Variants in GRID2 observed in about 807,000 individuals in gnomAD.
GRID2 encodes glutamate ionotropic receptor delta type subunit 2, also known as glutamate receptor ionotropic, delta-2.
Under a neutral mutation model 114.8 loss-of-function variants are expected in GRID2, and 33 were observed. That is an observed-to-expected ratio of 0.29 (90% CI 0.22 to 0.38). GRID2 has a LOEUF of 0.38. Among genes scored for constraint, GRID2 ranks in the 10% least tolerant of loss-of-function variants. The probability of loss-of-function intolerance (pLI) is 1.00; values close to 1 mark genes in which losing one functional copy is unlikely to be tolerated. For synonymous variants in GRID2, 505 were observed against 449.9 expected, an observed-to-expected ratio of 1.12 and a Z score of -1.55; for missense variants, 1,184 against 1,257.7, an observed-to-expected ratio of 0.94 and a Z score of 0.89.
chr4:93,503,373 G>A (rs748510292), intron 12 of GRID2, among the ~76,000 whole-genome samples: 36 of 151,936 alleles, frequency 2.4e-4, no homozygotes, highest in Non-Finnish European at 4.0e-4. Flanking sequence ...TGTGCACAAC[G>A]TGCAGGTTTG....
At chr4:93,481,604 A>G (rs1380076105) in intron 11 of GRID2, among the ~76,000 whole-genome samples, 3 of 152,078 alleles carry the variant, frequency 2.0e-5, no homozygotes, top group Admixed American at 6.6e-5. Context: ...AATCACTATT[A>G]TTGCCATGGC....
intron 13 of GRID2, among the ~76,000 whole-genome samples, chr4:93,591,634 C>T (rs1340299028): frequency 4.6e-5 from 7 of 151,774 alleles, no homozygotes; most frequent in Admixed American, 4.6e-4. Flanking sequence ...AGGAATGGTA[C>T]CAGTTCCTCC....
chr4:93,266,506 T>C (rs891100034), intron 8 of GRID2, among the ~76,000 whole-genome samples: 1 of 151,926 alleles, frequency 6.6e-6, no homozygotes, highest in African/African-American at 2.4e-5. Context: ...AAAGGTTGAG[T>C]GTATGACCCA....
chr4:92,959,001 A>T (rs1752611472), intron 2 of GRID2, among the ~76,000 whole-genome samples: 1 of 145,856 alleles, frequency 6.9e-6, no homozygotes, highest in South Asian at 2.1e-4. Flanking sequence ...TGTCCATTAG[A>T]TCTGTAGTGA....
intron 4 of GRID2, among the ~76,000 whole-genome samples, chr4:93,148,390 T>G (rs763389398): frequency 2.0e-5 from 3 of 151,964 alleles, no homozygotes; most frequent in African/African-American, 7.2e-5. Flanking sequence ...AGCCCATACA[T>G]AGAAGACAAA....
intron 12 of GRID2, among the ~76,000 whole-genome samples, chr4:93,512,528 T>C (rs562823180): frequency 5.9e-5 from 9 of 152,312 alleles, no homozygotes; most frequent in African/African-American, 1.9e-4. Context: ...TATCTTAGTG[T>C]GCTATGATGG....
chr4:92,993,209 T>C (rs1755009293), intron 2 of GRID2, among the ~76,000 whole-genome samples: 1 of 151,528 alleles, frequency 6.6e-6, no homozygotes, highest in South Asian at 2.1e-4. Flanking sequence ...AATAAAAGAA[T>C]TGCCCAAGAT....
intron 13 of GRID2, among the ~76,000 whole-genome samples, chr4:93,591,062 A>G (rs367857867): frequency 3.8e-4 from 56 of 148,244 alleles, no homozygotes; most frequent in South Asian, 8.8e-4. Context: ...TCTCCTGCCT[A>G]ATTGCCCTGG....
Position 93,455,882 on chromosome 4 carries a change from G to T in GRID2, c.1766G>T (p.Trp589Leu), listed in dbSNP as rs1411695621. Residue 589 changes from tryptophan to leucine, a missense_variant, in exon 11 of 16, where the codon TGG becomes TTG. Around this residue, in one of 3 missense-constraint regions of GRID2, gnomAD observed 717 missense variants for 796.9 expected, o/e 0.90. Coordinates refer to ENST00000282020, the MANE Select transcript of GRID2 (RefSeq NM_001510.4). Reference sequence around the variant, plus strand: ...GGTCTACTGGTCTACCTCTTGAACTGGCTTAATCCCCCACGATTACAAATG... The same window carrying T: ...GGTCTACTGGTCTACCTCTTGAACTTGCTTAATCCCCCACGATTACAAATG... The part of the protein sequence containing the change: ...LVGLLVYLLN[W>L]LNPPRLQMGS... 1 of 1,610,674 alleles carries T rather than the reference G, an allele frequency of 6.2e-7. No individual in the cohort carries two copies. Among genetic ancestry groups the T allele is most frequent in the African/African-American group, 1.3e-5 (1 of 74,928 alleles).
intron 1 of GRID2, among the ~76,000 whole-genome samples, chr4:92,558,041 AT>A (rs1384573660): frequency 6.6e-6 from 1 of 152,028 alleles, no homozygotes; most frequent in African/African-American, 2.4e-5. Context: ...CCTCCATTCT[AT>A]TTTTGGAGCC....
chr4:92,538,012 CAGA>C (rs1725738743), intron 1 of GRID2, among the ~76,000 whole-genome samples: 1 of 152,118 alleles, frequency 6.6e-6, no homozygotes, highest in South Asian at 2.1e-4. Flanking sequence ...GTTCTTTTCT[CAGA>C]AGTAGTCATT....
At chr4:93,753,614 A>G (rs1225609393) in intron 14 of GRID2, among the ~76,000 whole-genome samples, 1 of 152,030 alleles carries the variant, frequency 6.6e-6, no homozygotes, top group East Asian at 1.9e-4. Flanking sequence ...TGTCCTTGCG[A>G]TAGTTTGCTC....
chr4:92,329,727 A>G (rs1252955688), intron 1 of GRID2, among the ~76,000 whole-genome samples: 1 of 152,054 alleles, frequency 6.6e-6, no homozygotes. Flanking sequence ...GCTTACCTCT[A>G]AAATGGAAGA....
At chr4:93,335,729 T>A (rs1579722863) in intron 8 of GRID2, among the ~76,000 whole-genome samples, 2 of 149,728 alleles carry the variant, frequency 1.3e-5, no homozygotes, top group Middle Eastern at 6.9e-3. Flanking sequence ...CACTCTGTCA[T>A]TCAGCATTCA....
At chr4:92,473,066 G>A (rs1051373410) in intron 1 of GRID2, among the ~76,000 whole-genome samples, 5 of 151,886 alleles carry the variant, frequency 3.3e-5, no homozygotes, top group African/African-American at 1.2e-4. Flanking sequence ...ATGATTTTGG[G>A]TTATTTTTGC....
At chr4:93,749,086 G>T (rs1328029247) in intron 14 of GRID2, among the ~76,000 whole-genome samples, 2 of 152,108 alleles carry the variant, frequency 1.3e-5, no homozygotes, top group African/African-American at 4.8e-5. Context: ...GGGGATCCCT[G>T]CTTTATTCCT....
intron 8 of GRID2, among the ~76,000 whole-genome samples, chr4:93,321,129 G>T (rs541565049): frequency 3.7e-4 from 57 of 152,072 alleles, no homozygotes; most frequent in African/African-American, 1.3e-3. Context: ...TTCCTCACCT[G>T]AAGCCATCCA....
At chr4:92,318,054 C>A (rs1726091640) in intron 1 of GRID2, among the ~76,000 whole-genome samples, 1 of 151,846 alleles carries the variant, frequency 6.6e-6, no homozygotes, top group South Asian at 2.1e-4. Context: ...ATTGTATATA[C>A]CCTGTTGACC....
chr4:93,384,717 A>C (rs184004415), intron 8 of GRID2, among the ~76,000 whole-genome samples: 3 of 152,238 alleles, frequency 2.0e-5, no homozygotes, highest in African/African-American at 7.2e-5. Context: ...ATTATTATCC[A>C]CTAGATTGTT....
Sources: allele counts gnomAD v4.1 joint callset (sites outside exome capture counted in the v4.1 genomes callset), GRCh38; gene constraint gnomAD v4.1.1; regional missense constraint gnomAD v4.1.1; transcripts MANE v1.5; gene names NCBI Gene and HGNC (gene_info 2026-07-23, HGNC 2026-07-21).